Variants in PODXL2 observed in about 807,000 individuals in gnomAD.
PODXL2 encodes podocalyxin like 2.
PODXL2 carries 17 observed loss-of-function variants against 53.4 expected under a neutral mutation model. The ratio of observed to expected loss-of-function variants is 0.32; its 90% CI spans 0.22 to 0.48. PODXL2 has a LOEUF of 0.48. Among genes scored for constraint, PODXL2 ranks in the 20% least tolerant of loss-of-function variants. The pLI, the probability that PODXL2 is intolerant of heterozygous loss-of-function variation, is 0.99. For synonymous variants in PODXL2, 311 were observed against 306.7 expected (o/e 1.01, Z -0.15); for missense variants, 673 against 760.0 (o/e 0.89, Z 1.35).
At chr3:127,659,037 T>C (rs1379804770) in intron 2 of PODXL2, among the ~76,000 whole-genome samples, 1 of 152,196 alleles carries the variant, frequency 6.6e-6, no homozygotes, top group Non-Finnish European at 1.5e-5. Flanking sequence ...CGTTGAATTT[T>C]TAAATATCAA....
intron 2 of PODXL2, among the ~76,000 whole-genome samples, chr3:127,656,496 G>A (rs2074724398): frequency 6.6e-6 from 1 of 152,042 alleles, no homozygotes; most frequent in Non-Finnish European, 1.5e-5. Flanking sequence ...CAGCACTCTG[G>A]GAGGCTTTGG....
intron 3 of PODXL2, among the ~76,000 whole-genome samples, chr3:127,661,778 T>C (rs1045540225): frequency 6.6e-6 from 1 of 152,080 alleles, no homozygotes; most frequent in East Asian, 1.9e-4. Context: ...CAGCTAGAGC[T>C]AGTGGCTGAC....
chr3:127,659,931 G>C (rs549580440), intron 2 of PODXL2, among the ~76,000 whole-genome samples: 1 of 152,346 alleles, frequency 6.6e-6, no homozygotes, highest in South Asian at 2.1e-4. Flanking sequence ...AGGGCTCTCA[G>C]ACCTCCTTCG....
intron 1 of PODXL2, among the ~76,000 whole-genome samples, chr3:127,637,956 C>G (rs977683288): frequency 1.3e-5 from 2 of 152,324 alleles, no homozygotes; most frequent in Middle Eastern, 3.4e-3. Flanking sequence ...ATAAGCATCA[C>G]TAAAAATTGC....
chr3:127,667,444 G>A (rs996967102), intron 4 of PODXL2, among the ~76,000 whole-genome samples: 10 of 152,230 alleles, frequency 6.6e-5, no homozygotes, highest in Non-Finnish European at 1.3e-4. Flanking sequence ...TGGAGGCTAC[G>A]AGCAGGGAAT....
Position 127,672,270 on chromosome 3 carries a change from G to T in PODXL2, c.1608G>T (p.Ser536=). 6.5e-7 allele frequency: 1 copy of T among 1,543,192 alleles called. No individual in the cohort carries two copies. Among genetic ancestry groups the T allele is most frequent in the Non-Finnish European group, 8.7e-7 (1 of 1,146,688 alleles). The change falls in exon 8 of 8, where the codon TCG becomes TCT. Residue 536 remains serine (S), a splice_region_variant and synonymous_variant. Transcript: ENST00000342480. ...QRRLPKLKHV[S]HGEELRFVEN... ...GGCCTCTCCCCACCCCGCCTCAGTC[G>T]CACGGCGAGGAGCTGCGCTTCGTGG...
chr3:127,666,314 C>T (rs1027088768), intron 4 of PODXL2, among the ~76,000 whole-genome samples: 2 of 151,470 alleles, frequency 1.3e-5, no homozygotes, highest in Non-Finnish European at 2.9e-5. Flanking sequence ...GTGTCAGGAC[C>T]ATTGCCCATG....
intron 2 of PODXL2, among the ~76,000 whole-genome samples, chr3:127,646,906 A>G (rs1297822804): frequency 6.6e-6 from 1 of 152,152 alleles, no homozygotes; most frequent in Non-Finnish European, 1.5e-5. Flanking sequence ...GAGCACATTG[A>G]TGACACATGT....
intron 1 of PODXL2, among the ~76,000 whole-genome samples, chr3:127,636,196 G>A (rs1424182101): frequency 6.6e-6 from 1 of 152,202 alleles, no homozygotes; most frequent in Non-Finnish European, 1.5e-5. Flanking sequence ...TATTAATTGG[G>A]AGTCATTGGA....
At chr3:127,641,363 A>G (rs762853359) in intron 2 of PODXL2, among the ~76,000 whole-genome samples, 1 of 150,092 alleles carries the variant, frequency 6.7e-6, no homozygotes, top group Non-Finnish European at 1.5e-5. Context: ...ATGTGCCACC[A>G]TGCCTGACTA....
rs1332574857 is a variant in PODXL2, at chr3:127,672,582, G to A, written c.*102G>A. The A allele has an allele frequency of 5.4e-6, 4 of 735,266 alleles. No homozygotes were observed. Among genetic ancestry groups the A allele is most frequent in the Non-Finnish European group, 8.1e-6 (4 of 496,628 alleles). 45.5% of individuals were successfully genotyped at this position (735,266 alleles called of 1,614,324 possible). A position where few individuals can be genotyped will look rare whatever the true frequency, so the allele number is the denominator to read the frequency against. On this transcript the variant is annotated 3_prime_UTR_variant, in exon 8 of 8. Coordinates refer to ENST00000342480, the MANE Select transcript of PODXL2 (RefSeq NM_015720.4). ...CACCAGCCCCGCGCCTACCCGGGCCGCCCCCGCGGCCTGGCCCTCGGCGCG... is the reference window on the plus strand; with the variant it reads ...CACCAGCCCCGCGCCTACCCGGGCCACCCCCGCGGCCTGGCCCTCGGCGCG...
At position 127,659,733 on chromosome 3, in the gene PODXL2, C is replaced by T. The variant is rs573107863; in HGVS notation, c.350-645C>T. On this transcript the variant is annotated intron_variant, in intron 2 of 7. Transcript: ENST00000342480. ...AGAATGGCAGGGAGAATAAAAACCC[C>T]TCTCCCATTGCCAACAGTGACCCTG... is the stretch of plus-strand genomic sequence containing the variant. Among the ~76,000 whole-genome samples the T allele has an allele frequency of 6.6e-5, 10 of 152,350 alleles. No homozygotes were observed. In the East Asian group the frequency reaches 1.9e-3, roughly 29 times the overall value.
At position 127,672,431 on chromosome 3, in the gene PODXL2, A is replaced by G. The variant is rs1232627806; in HGVS notation, c.1769A>G (p.Lys590Arg). The change falls in exon 8 of 8, where the codon AAG becomes AGG. Residue 590 changes from lysine (K) to arginine (R), a missense_variant. By Grantham distance (26) the Lys-to-Arg change is conservative. This residue lies in a region of PODXL2 where 79 missense variants were observed against 70.5 expected (regional missense o/e 1.12). Transcript: ENST00000342480. ...PGSWGALMGG[K>R]RDPEDSDVFE... ...AGCTGGGGGGCGCTCATGGGGGGCA[A>G]GCGGGACCCCGAGGACTCGGACGTG... The G allele has an allele frequency of 6.5e-7, 1 of 1,540,644 alleles. No individual in the cohort carries two copies. The highest frequency in any genetic ancestry group is 8.7e-7 in the Non-Finnish European group (1 of 1,145,208).
intron 2 of PODXL2, 81 bp downstream of exon 2, chr3:127,639,604 A>G (rs1443171247): frequency 7.7e-7 from 1 of 1,306,206 alleles, no homozygotes; most frequent in African/African-American, 1.5e-5. Context: ...TTTCCTTGCC[A>G]GAAGCATCTC....
intron 2 of PODXL2, among the ~76,000 whole-genome samples, chr3:127,640,780 G>C (rs933342732): frequency 6.6e-6 from 1 of 152,034 alleles, no homozygotes; most frequent in Non-Finnish European, 1.5e-5. Context: ...TAGTAGTTTG[G>C]GGATACATTG....
chr3:127,661,076 T>G lies in PODXL2; in HGVS notation c.1048T>G (p.Leu350Val), dbSNP rs766852238. 1.9e-6 allele frequency: 3 copies of G among 1,614,210 alleles called. No individual in the cohort carries two copies. Among genetic ancestry groups the G allele is most frequent in the Non-Finnish European group, 1.7e-6 (2 of 1,180,024 alleles). Reference sequence around the variant, plus strand: ...GGAACTGACACCTTCCTCTGCTACCTTGGGACAAGAAGATCTCAACCAGCA... The same window carrying G: ...GGAACTGACACCTTCCTCTGCTACCGTGGGACAAGAAGATCTCAACCAGCA... ...DMELTPSSAT[L>V]GQEDLNQQLL... is the part of the protein sequence containing the mutation. The change falls in exon 3 of 8, where the codon TTG (leucine) becomes GTG (valine). Residue 350 changes from leucine to valine, a missense_variant. By Grantham distance (32) the Leu-to-Val change is conservative. Around this residue, in one of 3 missense-constraint regions of PODXL2, gnomAD observed 588 missense variants for 668.3 expected, o/e 0.88. Coordinates refer to ENST00000342480, the MANE Select transcript of PODXL2 (RefSeq NM_015720.4).
At chr3:127,664,761 A>C (rs974380224) in intron 4 of PODXL2, among the ~76,000 whole-genome samples, 1 of 150,734 alleles carries the variant, frequency 6.6e-6, no homozygotes, top group African/African-American at 2.4e-5. Flanking sequence ...TAATGACAAA[A>C]CCCGCAATTA....
At chr3:127,665,993 T>C in intron 4 of PODXL2, 1 of 453,270 alleles carries the variant, frequency 2.2e-6, no homozygotes, top group Non-Finnish European at 4.4e-6. Flanking sequence ...TCTAGGCCCT[T>C]CTAGAAGAAC....
intron 2 of PODXL2, among the ~76,000 whole-genome samples, chr3:127,645,623 G>A (rs550512765): frequency 8.5e-5 from 13 of 152,330 alleles, no homozygotes; most frequent in African/African-American, 2.6e-4. Flanking sequence ...TTGCCCAGAG[G>A]GGACATCTCC....
Sources: gnomAD v4.1 joint callset for allele counts (sites outside exome capture counted in the v4.1 genomes callset) on GRCh38, gnomAD v4.1.1 for gene constraint, gnomAD v4.1.1 regional missense constraint, MANE v1.5 for transcripts, NCBI Gene and HGNC (gene_info 2026-07-23, HGNC 2026-07-21) for gene names.